Variants in ZSWIM6 observed in about 807,000 individuals in gnomAD.
ZSWIM6 encodes zinc finger SWIM domain-containing protein 6.
A neutral mutation model predicts 113.2 loss-of-function variants in ZSWIM6; 9 were observed. That is an observed-to-expected ratio of 0.08 (90% CI 0.05 to 0.14). ZSWIM6 has a LOEUF of 0.14. Ranked by LOEUF, ZSWIM6 falls within the 10% of genes least tolerant of loss-of-function variation. The pLI is 1.00. For synonymous variants in ZSWIM6, 611 were observed against 606.5 expected (o/e 1.01, Z -0.11); for missense variants, 1,162 against 1,552.2 (o/e 0.75, Z 4.22).
In ZSWIM6 at chr5:61,535,517, A is replaced by G; in HGVS notation, c.2279A>G (p.His760Arg). The change falls in exon 10 of 14, where the codon CAT becomes CGT. Residue 760 changes from histidine to arginine, a missense_variant. Transcript: ENST00000252744. ...TATAGTGGTTTAGGTGAAATAATCC[A>G]TCGGGAGAGCGTTCCAATGCACACA... ...GPYSGLGEIIHRESVPMHTFA... is the reference protein window; with the variant it reads ...GPYSGLGEIIRRESVPMHTFA... The G allele has an allele frequency of 1.3e-6, 2 of 1,551,412 alleles. No homozygotes were observed. Among genetic ancestry groups the G allele is most frequent in the Middle Eastern group, 3.3e-4 (2 of 5,990 alleles).
chr5:61,434,782 A>G (rs1453506103), intron 1 of ZSWIM6, among the ~76,000 whole-genome samples: 1 of 152,108 alleles, frequency 6.6e-6, no homozygotes, highest in Non-Finnish European at 1.5e-5. Context: ...TAGTTTTTTT[A>G]TGGGAGGGGT....
intron 1 of ZSWIM6, among the ~76,000 whole-genome samples, chr5:61,426,811 C>CTT (rs1173474197): frequency 3.5e-5 from 5 of 143,906 alleles, no homozygotes; most frequent in Admixed American, 1.4e-4. Context: ...TTGAGTTTTT[C>CTT]TTTTTTTTTT....
chr5:61,460,809 G>A (rs1252622126), intron 1 of ZSWIM6, among the ~76,000 whole-genome samples: 3 of 151,926 alleles, frequency 2.0e-5, no homozygotes, highest in African/African-American at 7.2e-5. Flanking sequence ...CTTTTATGTA[G>A]CAGACAGACA....
At chr5:61,453,713 C>A (rs1396730603) in intron 1 of ZSWIM6, among the ~76,000 whole-genome samples, 1 of 151,566 alleles carries the variant, frequency 6.6e-6, no homozygotes, top group Non-Finnish European at 1.5e-5. Flanking sequence ...AATAACCATG[C>A]CTTTTTTTTT....
chr5:61,528,274 GATTT>G (rs1328866059), intron 7 of ZSWIM6, among the ~76,000 whole-genome samples: 1 of 151,468 alleles, frequency 6.6e-6, no homozygotes, highest in Non-Finnish European at 1.5e-5. Context: ...AAAAAAAACA[GATTT>G]ATTTGATTTA....
intron 1 of ZSWIM6, among the ~76,000 whole-genome samples, chr5:61,415,329 A>G (rs1746225136): frequency 6.6e-6 from 1 of 152,222 alleles, no homozygotes; most frequent in Non-Finnish European, 1.5e-5. Flanking sequence ...GCAGTGGCTC[A>G]TGCCTGTAAT....
intron 1 of ZSWIM6, among the ~76,000 whole-genome samples, chr5:61,389,523 T>C (rs1474410996): frequency 8.3e-6 from 1 of 120,624 alleles, no homozygotes; most frequent in Non-Finnish European, 1.6e-5. Context: ...CCACTGCACA[T>C]GAGCCCAGGC....
At chr5:61,396,051 G>C (rs192945128) in intron 1 of ZSWIM6, among the ~76,000 whole-genome samples, 11 of 152,234 alleles carry the variant, frequency 7.2e-5, no homozygotes, top group African/African-American at 2.6e-4. Context: ...AGTACAGTCT[G>C]GTGTTTGGAG....
intron 1 of ZSWIM6, among the ~76,000 whole-genome samples, chr5:61,468,252 T>C (rs1450283015): frequency 2.0e-5 from 3 of 152,128 alleles, no homozygotes; most frequent in African/African-American, 7.2e-5. Flanking sequence ...CACCGTGCCT[T>C]GGTTTGTGGT....
intron 4 of ZSWIM6, among the ~76,000 whole-genome samples, chr5:61,506,530 C>T (rs1179280832): frequency 6.6e-5 from 10 of 151,700 alleles, no homozygotes; most frequent in Admixed American, 3.9e-4. Flanking sequence ...GCCAAGATCA[C>T]GCCACTGCAC....
rs149060867 is a variant in ZSWIM6, at chr5:61,534,728, A to G, written c.2246-756A>G. 3.7e-3 allele frequency among the ~76,000 whole-genome samples: 569 copies of G among 152,288 alleles called. 3 individuals carry two copies. The highest frequency in any genetic ancestry group is 6.6e-3 in the Non-Finnish European group (446 of 68,014). ...TCAAAGCAGCATTCAGGGAGCACAC[A>G]GGGGAAGTCAGCTCTGCCACCACGC... On this transcript the variant is annotated intron_variant, in intron 9 of 13. Transcript: ENST00000252744.
chr5:61,423,791 C>G (rs1746404332), intron 1 of ZSWIM6, among the ~76,000 whole-genome samples: 1 of 152,204 alleles, frequency 6.6e-6, no homozygotes, highest in South Asian at 2.1e-4. Context: ...GCCAAAAAGA[C>G]TTCTTCATAT....
intron 2 of ZSWIM6, among the ~76,000 whole-genome samples, chr5:61,488,909 C>T (rs1260806782): frequency 6.6e-6 from 1 of 151,884 alleles, no homozygotes; most frequent in Non-Finnish European, 1.5e-5. Context: ...CATATCAGGA[C>T]AAAACATCTT....
At chr5:61,533,009 T>C (rs1266827830) in intron 9 of ZSWIM6, among the ~76,000 whole-genome samples, 1 of 152,228 alleles carries the variant, frequency 6.6e-6, no homozygotes, top group African/African-American at 2.4e-5. Flanking sequence ...TCAAAGTTGA[T>C]AGTGTGTGGT....
chr5:61,365,627 G>T (rs1745133473), intron 1 of ZSWIM6, among the ~76,000 whole-genome samples: 1 of 152,068 alleles, frequency 6.6e-6, no homozygotes, highest in Non-Finnish European at 1.5e-5. Context: ...ATCCATTGAA[G>T]ACTTTGTCTC....
At chr5:61,433,163 A>G (rs1054426053) in intron 1 of ZSWIM6, among the ~76,000 whole-genome samples, 1 of 152,206 alleles carries the variant, frequency 6.6e-6, no homozygotes, top group Non-Finnish European at 1.5e-5. Context: ...GCTATCAAAA[A>G]AGATTTATAT....
chr5:61,382,447 T>C (rs1025892017), intron 1 of ZSWIM6, among the ~76,000 whole-genome samples: 2 of 152,210 alleles, frequency 1.3e-5, no homozygotes, highest in Admixed American at 1.3e-4. Flanking sequence ...CGGTTCTTTC[T>C]TTAATAATTT....
intron 4 of ZSWIM6, among the ~76,000 whole-genome samples, chr5:61,498,594 A>G (rs1325174609): frequency 6.6e-6 from 1 of 152,208 alleles, no homozygotes; most frequent in African/African-American, 2.4e-5. Flanking sequence ...CAGGACACTT[A>G]GAATTAGAGT....
chr5:61,539,785 G>A lies in ZSWIM6; in HGVS notation c.2703+26G>A, dbSNP rs760007176. On this transcript the variant is annotated intron_variant, in intron 12 of 13. Coordinates refer to ENST00000252744, the MANE Select transcript of ZSWIM6 (RefSeq NM_020928.2). ...GTACATGACTGGTAGTCTTTCCTGG[G>A]ACATCAAAGACTGCTAAATAAAGGC... is the stretch of plus-strand genomic sequence containing the variant. 1.7e-5 allele frequency: 26 copies of A among 1,530,736 alleles called. 2 individuals are homozygous for A. The South Asian group carries it at 2.7e-4, about 16-fold the overall frequency. The allele number at this position is 1,530,736 out of a possible 1,614,324, so 94.8% of individuals were successfully genotyped here. A position where few individuals can be genotyped will look rare whatever the true frequency, so the allele number is the denominator to read the frequency against.
Sources: gnomAD v4.1 joint callset for allele counts (sites outside exome capture counted in the v4.1 genomes callset) on GRCh38, gnomAD v4.1.1 for gene constraint, MANE v1.5 for transcripts, NCBI Gene and HGNC (gene_info 2026-07-23, HGNC 2026-07-21) for gene names.